Variants in SLC13A5 observed in about 807,000 individuals in gnomAD.
SLC13A5 encodes Na(+)/citrate cotransporter.
In SLC13A5, 25 loss-of-function variants were observed where a neutral mutation model predicts 56.5. That is an observed-to-expected ratio of 0.44 (90% confidence interval 0.32 to 0.62). The LOEUF is 0.62. Ranked by LOEUF, SLC13A5 falls within the 20% of genes least tolerant of loss-of-function variation. SLC13A5 has a pLI of 0.04. For missense variants in SLC13A5, 649 were observed against 737.8 expected (o/e 0.88, Z 1.39); for synonymous variants, 307 against 301.5 (o/e 1.02, Z -0.19).
intron 10 of SLC13A5, chr17:6,688,916 T>TA (rs1597654653): frequency 6.6e-6 from 1 of 152,214 alleles, no homozygotes; most frequent in Non-Finnish European, 1.5e-5. Flanking sequence ...TCTGCAATTT[T>TA]AAAAAACTAT....
intron 5 of SLC13A5, 80 bp downstream of exon 5, chr17:6,702,890 A>T: frequency 1.3e-6 from 2 of 1,529,562 alleles, no homozygotes; most frequent in Non-Finnish European, 1.8e-6. Flanking sequence ...GACTCTGCAG[A>T]GGAGCAGAGA....
At chr17:6,696,322 T>C (rs749825518) in intron 6 of SLC13A5, among the ~76,000 whole-genome samples, 7 of 152,158 alleles carry the variant, frequency 4.6e-5, no homozygotes, top group Non-Finnish European at 8.8e-5. Context: ...CCTTCGATGG[T>C]GTTGGGATGC....
At chr17:6,706,615 G>A (rs760090694) in intron 3 of SLC13A5, 27 bp downstream of exon 3, 23 of 1,609,610 alleles carry the variant, frequency 1.4e-5, no homozygotes, top group South Asian at 4.4e-5. Context: ...GCAGAGCCAC[G>A]TGGCAAGAGA....
Position 6,703,951 on chromosome 17 carries a change from C to T in SLC13A5, c.474G>A (p.Gln158=), listed in dbSNP as rs748246985. 1.1e-5 allele frequency: 17 copies of T among 1,609,664 alleles called. No homozygotes were observed. The highest frequency in any genetic ancestry group is 1.4e-5 in the Non-Finnish European group (16 of 1,177,250). ...CGGTGGCTGCGCTTGTGGCTTCCAT[C>T]TGCTGCAATATGGCCTCCACGATGG... ...MVPIVEAILQ[Q]MEATSAATEA... is the part of the protein sequence containing the mutation. The change falls in exon 4 of 12, where the codon CAG becomes CAA. Residue 158 remains glutamine, a synonymous_variant. Coordinates refer to ENST00000433363, the MANE Select transcript of SLC13A5 (RefSeq NM_177550.5).
At chr17:6,695,566 T>G (rs1973537416) in intron 7 of SLC13A5, 160 bp downstream of exon 7, 1 of 655,700 alleles carries the variant, frequency 1.5e-6, no homozygotes, top group Non-Finnish European at 2.6e-6. Context: ...ATTTTCTGTA[T>G]TTTTAGTAGA....
rs763014412 is a variant in SLC13A5, at chr17:6,694,201, G to A, written c.1056-4C>T. 2.5e-6 allele frequency: 4 copies of A among 1,589,234 alleles called. No individual in the cohort carries two copies. The highest frequency in any genetic ancestry group is 1.7e-6 in the Non-Finnish European group (2 of 1,158,270). On this transcript the variant is annotated splice_region_variant and splice_polypyrimidine_tract_variant and intron_variant, in intron 7 of 11. Transcript: ENST00000433363. ...CACAGTGGCATCGGAGACATACCTAGGTGGGGAAAAGCACAGCTCATCTGC... is the reference window on the plus strand; with the variant it reads ...CACAGTGGCATCGGAGACATACCTAAGTGGGGAAAAGCACAGCTCATCTGC...
In SLC13A5 at chr17:6,685,680, G is replaced by A; in HGVS notation, c.*527C>T. 1 of 158,414 alleles carries A rather than the reference G, an allele frequency of 6.3e-6. No homozygotes were observed. Among genetic ancestry groups the A allele is most frequent in the Admixed American group, 5.9e-5 (1 of 16,828 alleles). 9.8% of individuals were successfully genotyped at this position (158,414 alleles called of 1,614,324 possible). ...CCCACTCGCACTCCAGCAGTGGGAG[G>A]TTGCTCAAGACCAGGCATTCCGTCC... On this transcript the variant is annotated 3_prime_UTR_variant, in exon 12 of 12. Transcript: ENST00000433363. This position sits in a 1 kb window ranked among gnomAD's most constrained non-coding sequence, Gnocchi z 4.2.
chr17:6,699,805 C>A (rs1973661514), intron 6 of SLC13A5, among the ~76,000 whole-genome samples: 1 of 152,138 alleles, frequency 6.6e-6, no homozygotes, highest in African/African-American at 2.4e-5. Flanking sequence ...GGGGTTTCAC[C>A]ATGTTGGCCA....
At chr17:6,710,615 G>C (rs2151502623) in intron 1 of SLC13A5, among the ~76,000 whole-genome samples, 1 of 152,274 alleles carries the variant, frequency 6.6e-6, no homozygotes, top group Non-Finnish European at 1.5e-5. Context: ...CATCCCTGAA[G>C]TCAACAGGCT....
At chr17:6,695,400 C>CT (rs1049652063) in intron 7 of SLC13A5, 2 of 232,180 alleles carry the variant, frequency 8.6e-6, no homozygotes, top group Non-Finnish European at 1.7e-5. Flanking sequence ...CTTTCTTTCT[C>CT]TTTTTTTGAG....
Position 6,685,721 on chromosome 17 carries a change from C to CGACCCCCAGGACAGTGCGACTTCATG in SLC13A5, c.*485_*486insCATGAAGTCGCACTGTCCTGGGGGTC. 6.2e-6 allele frequency: 1 copy of CGACCCCCAGGACAGTGCGACTTCATG among 160,130 alleles called. No individual in the cohort carries two copies. Among genetic ancestry groups the CGACCCCCAGGACAGTGCGACTTCATG allele is most frequent in the Non-Finnish European group, 1.4e-5 (1 of 72,108 alleles). 9.9% of individuals were successfully genotyped at this position (160,130 alleles called of 1,614,324 possible). On this transcript the variant is annotated 3_prime_UTR_variant, in exon 12 of 12. Coordinates refer to ENST00000433363, the MANE Select transcript of SLC13A5 (RefSeq NM_177550.5). This position sits in a 1 kb window ranked among gnomAD's most constrained non-coding sequence, Gnocchi z 4.2. ...CATTCCGTCCCTGGCTGGGGTGTCCCTTCCAGAGTGACAGAGATGATCTGA... is the reference window on the plus strand; with the variant it reads ...CATTCCGTCCCTGGCTGGGGTGTCCCGACCCCCAGGACAGTGCGACTTCATGTTCCAGAGTGACAGAGATGATCTGA...
chr17:6,693,860 C>T (rs777449095), intron 8 of SLC13A5, among the ~76,000 whole-genome samples: 1 of 152,190 alleles, frequency 6.6e-6, no homozygotes, highest in Non-Finnish European at 1.5e-5. Flanking sequence ...TTTTCTGTTC[C>T]TGTTGTAATA....
chr17:6,689,835 A>G (rs1291524044), intron 10 of SLC13A5: 1 of 151,954 alleles, frequency 6.6e-6, no homozygotes, highest in Non-Finnish European at 1.5e-5. Context: ...CTGTCTCCCA[A>G]TTCCAGAATA....
chr17:6,693,036 G>T lies in SLC13A5; in HGVS notation c.1275+8C>A. On this transcript the variant is annotated splice_region_variant and intron_variant, in intron 9 of 11. Coordinates refer to ENST00000433363, the MANE Select transcript of SLC13A5 (RefSeq NM_177550.5). The stretch of plus-strand genomic sequence containing the variant: ...GGGCTCTGGGCAGCCTGTGGCTGGA[G>T]AAGTTACCTCGGATCCTTTAGCCAG... The T allele has an allele frequency of 6.2e-7, 1 of 1,611,798 alleles. No individual in the cohort carries two copies. Among genetic ancestry groups the T allele is most frequent in the Non-Finnish European group, 8.5e-7 (1 of 1,177,836 alleles).
chr17:6,691,855 G>A (rs552765328), intron 9 of SLC13A5, among the ~76,000 whole-genome samples: 54 of 152,246 alleles, frequency 3.5e-4, no homozygotes, highest in African/African-American at 1.2e-3. Context: ...CTGCATTCAC[G>A]ATCAAGTCCA....
intron 6 of SLC13A5, among the ~76,000 whole-genome samples, chr17:6,696,589 C>T (rs1162095214): frequency 6.6e-6 from 1 of 151,968 alleles, no homozygotes; most frequent in Non-Finnish European, 1.5e-5. Flanking sequence ...AGGGCCTCCC[C>T]TAAGGTGGCG....
In SLC13A5 at chr17:6,695,711, G is replaced by T. The variant is rs764186836; in HGVS notation, c.1055+15C>A. 3.7e-5 allele frequency: 60 copies of T among 1,613,390 alleles called. No homozygotes were observed. Among genetic ancestry groups the T allele is most frequent in the Non-Finnish European group, 4.8e-5 (57 of 1,179,572 alleles). ...TGGCCCTAAGCCAGCGATTTCTATT[G>T]AATCCAAGACTTACTTTGTCTCACC... is the stretch of plus-strand genomic sequence containing the variant. On this transcript the variant is annotated intron_variant, in intron 7 of 11. Transcript: ENST00000433363.
At chr17:6,709,432 G>A (rs1973960831) in intron 1 of SLC13A5, among the ~76,000 whole-genome samples, 2 of 151,906 alleles carry the variant, frequency 1.3e-5, no homozygotes, top group Non-Finnish European at 1.5e-5. Flanking sequence ...ACCACGCCCG[G>A]CTAATTTTTG....
intron 1 of SLC13A5, among the ~76,000 whole-genome samples, chr17:6,709,297 G>A (rs1297486460): frequency 1.3e-5 from 2 of 151,668 alleles, no homozygotes; most frequent in Non-Finnish European, 2.9e-5. Flanking sequence ...TTGAGACAGA[G>A]CCTTGCTCTG....
Sources: gnomAD v4.1 joint callset for allele counts (sites outside exome capture counted in the v4.1 genomes callset) on GRCh38, gnomAD v4.1.1 for gene constraint, Gnocchi (gnomAD v3.1) non-coding constraint, MANE v1.5 for transcripts, NCBI Gene and HGNC (gene_info 2026-07-23, HGNC 2026-07-21) for gene names.